The following LRRTM4 variants were observed in gnomAD, a reference collection of about 807,000 sequenced individuals.
LRRTM4 encodes the protein leucine-rich repeat transmembrane neuronal protein 4.
A neutral mutation model predicts 47.6 loss-of-function variants in LRRTM4; 25 were observed. That is an observed-to-expected ratio of 0.53 (90% CI 0.38 to 0.73). The LOEUF is 0.73. Among genes scored for constraint, LRRTM4 ranks in the 30% least tolerant of loss-of-function variants. LRRTM4 has a pLI of 0.00. For missense variants in LRRTM4, 638 were observed against 713.4 expected, an observed-to-expected ratio of 0.89 and a Z score of 1.20; for synonymous variants, 311 against 269.5, an observed-to-expected ratio of 1.15 and a Z score of -1.51.
chr2:76,836,840 A>G (rs1329658989), intron 3 of LRRTM4, among the ~76,000 whole-genome samples: 1 of 152,132 alleles, frequency 6.6e-6, no homozygotes, highest in Admixed American at 6.6e-5. Context: ...GGGCTAGGGC[A>G]TATGTATGGC....
At chr2:77,444,397 T>G (rs1675966677) in intron 3 of LRRTM4, among the ~76,000 whole-genome samples, 1 of 152,072 alleles carries the variant, frequency 6.6e-6, no homozygotes, top group South Asian at 2.1e-4. Context: ...AGTGATATAT[T>G]CCCTTGCTCT....
intron 3 of LRRTM4, among the ~76,000 whole-genome samples, chr2:76,885,790 C>G (rs1673057846): frequency 6.6e-6 from 1 of 151,964 alleles, no homozygotes; most frequent in African/African-American, 2.4e-5. Context: ...TTAAAAAAAG[C>G]TAAGAATTGT....
At chr2:77,178,816 A>G (rs536277967) in intron 3 of LRRTM4, among the ~76,000 whole-genome samples, 1 of 152,306 alleles carries the variant, frequency 6.6e-6, no homozygotes, top group South Asian at 2.1e-4. Context: ...ATCAAATTCT[A>G]GAGAAAAATA....
intron 3 of LRRTM4, among the ~76,000 whole-genome samples, chr2:77,264,790 A>C (rs1009038078): frequency 1.3e-5 from 2 of 152,074 alleles, no homozygotes; most frequent in Admixed American, 1.3e-4. Flanking sequence ...TTAGAATGAA[A>C]TGGTCATCTT....
chr2:76,931,704 G>A (rs1201792177), intron 3 of LRRTM4, among the ~76,000 whole-genome samples: 6 of 152,088 alleles, frequency 3.9e-5, no homozygotes, highest in African/African-American at 1.2e-4. Context: ...ATTTAAAGAA[G>A]AAAAGTATAA....
At chr2:77,201,689 A>G (rs1673979378) in intron 3 of LRRTM4, among the ~76,000 whole-genome samples, 1 of 152,118 alleles carries the variant, frequency 6.6e-6, no homozygotes, top group South Asian at 2.1e-4. Context: ...CAAAAAATCA[A>G]TATGTGCCAA....
At chr2:77,442,525 C>T (rs1346021490) in intron 3 of LRRTM4, among the ~76,000 whole-genome samples, 1 of 152,222 alleles carries the variant, frequency 6.6e-6, no homozygotes, top group Non-Finnish European at 1.5e-5. Context: ...TACATTATCA[C>T]ATTCTACATG....
At chr2:76,760,614 T>C (rs1358089369) in intron 3 of LRRTM4, among the ~76,000 whole-genome samples, 1 of 152,120 alleles carries the variant, frequency 6.6e-6, no homozygotes, top group Non-Finnish European at 1.5e-5. Context: ...AAGCTACTCA[T>C]TGTCAAATCT....
chr2:76,844,228 G>T (rs770897076), intron 3 of LRRTM4, among the ~76,000 whole-genome samples: 1 of 151,098 alleles, frequency 6.6e-6, no homozygotes, highest in Non-Finnish European at 1.5e-5. Flanking sequence ...TCCACCTCTC[G>T]GGTTCAAGCT....
At chr2:76,847,389 A>AT (rs1220318489) in intron 3 of LRRTM4, among the ~76,000 whole-genome samples, 1 of 152,054 alleles carries the variant, frequency 6.6e-6, no homozygotes, top group African/African-American at 2.4e-5. Context: ...TTCCAAAATA[A>AT]TTCTCTTTTC....
At chr2:77,276,123 G>T (rs1390085357) in intron 3 of LRRTM4, among the ~76,000 whole-genome samples, 1 of 151,846 alleles carries the variant, frequency 6.6e-6, no homozygotes, top group Non-Finnish European at 1.5e-5. Flanking sequence ...TGCTCACAGG[G>T]TTAAGTTTAT....
At chr2:77,374,666 G>A (rs900726201) in intron 3 of LRRTM4, among the ~76,000 whole-genome samples, 6 of 151,722 alleles carry the variant, frequency 4.0e-5, no homozygotes, top group African/African-American at 1.4e-4. Context: ...AAATTTATTG[G>A]TAAAAGTTTA....
intron 3 of LRRTM4, among the ~76,000 whole-genome samples, chr2:76,803,340 G>A (rs1474992669): frequency 6.6e-6 from 1 of 151,994 alleles, no homozygotes; most frequent in African/African-American, 2.4e-5. Context: ...ATTAATATAT[G>A]CAAAAATGCC....
At chr2:76,993,300 G>T (rs571243546) in intron 3 of LRRTM4, among the ~76,000 whole-genome samples, 10 of 151,408 alleles carry the variant, frequency 6.6e-5, no homozygotes, top group African/African-American at 2.2e-4. Flanking sequence ...TTTTGCACAG[G>T]ATAAAAAAAG....
chr2:76,849,842 G>T (rs1280547204), intron 3 of LRRTM4, among the ~76,000 whole-genome samples: 1 of 151,964 alleles, frequency 6.6e-6, no homozygotes, highest in Non-Finnish European at 1.5e-5. Context: ...TTTTTAAAAA[G>T]TAAGTGCTAA....
In LRRTM4 at chr2:76,893,182, A is replaced by G. The variant is rs539323193; in HGVS notation, c.1552-144266T>C. Among the ~76,000 whole-genome samples the G allele has an allele frequency of 3.3e-5, 5 of 151,818 alleles. 1 individual carries two copies. In the South Asian group the frequency reaches 1.0e-3, roughly 31 times the overall value. On this transcript the variant is annotated intron_variant, in intron 3 of 3. Coordinates refer to ENST00000409884, the MANE Select transcript of LRRTM4 (RefSeq NM_001134745.3). ...TCTCTCATTTCATCACAAAACATCC[A>G]TTAGTTACATTTTGTATTAAAGGAA...
intron 3 of LRRTM4, among the ~76,000 whole-genome samples, chr2:77,347,233 G>A (rs1671596839): frequency 6.6e-6 from 1 of 152,194 alleles, no homozygotes; most frequent in African/African-American, 2.4e-5. Flanking sequence ...CCCAGGAGCT[G>A]TGATAGCTTC....
At chr2:77,069,791 T>C (rs921749056) in intron 3 of LRRTM4, among the ~76,000 whole-genome samples, 5 of 152,202 alleles carry the variant, frequency 3.3e-5, no homozygotes, top group African/African-American at 1.2e-4. Context: ...GAATATATAG[T>C]AGTTTTACAA....
intron 3 of LRRTM4, among the ~76,000 whole-genome samples, chr2:77,072,120 A>T (rs1406980376): frequency 6.6e-6 from 1 of 152,116 alleles, no homozygotes; most frequent in East Asian, 1.9e-4. Context: ...TGAAAAACTC[A>T]GAGTCATAAG....
Sources: gnomAD v4.1 joint callset for allele counts (sites outside exome capture counted in the v4.1 genomes callset) on GRCh38, gnomAD v4.1.1 for gene constraint, MANE v1.5 for transcripts, NCBI Gene and HGNC (gene_info 2026-07-23, HGNC 2026-07-21) for gene names.